The following NUP62 variants were observed in gnomAD, a reference collection of about 807,000 sequenced individuals.
NUP62 encodes nuclear pore glycoprotein p62.
For missense variants in NUP62, 647 were observed against 689.4 expected, an observed-to-expected ratio of 0.94 and a Z score of 0.69; for synonymous variants, 305 against 303.4, an observed-to-expected ratio of 1.01 and a Z score of -0.05.
rs750595555 is a variant in NUP62, at chr19:49,908,843, G to C, written c.965C>G (p.Ala322Gly). 2 of 1,612,522 alleles carry C rather than the reference G, an allele frequency of 1.2e-6. No homozygotes were observed. The highest frequency in any genetic ancestry group is 2.2e-5 in the South Asian group (2 of 91,082). Residue 322 changes from alanine (A) to glycine (G), a missense_variant, in exon 3 of 3, where the codon GCG (alanine) becomes GGG (glycine). Ala to Gly is a moderately conservative substitution (Grantham distance 60). Coordinates refer to ENST00000352066, the MANE Select transcript of NUP62 (RefSeq NM_016553.5). ...APPGPGAAAG[A>G]AASSAMTYAQ... ...GTAGGTCATGGCGGAGCTGGCAGCC[G>C]CCCCTGCAGCTGCGCCAGGGCCAGG...
In NUP62 at chr19:49,909,671, G is replaced by A. The variant is rs769174895; in HGVS notation, c.137C>T (p.Ala46Val). Residue 46 changes from alanine to valine, a missense_variant, in exon 3 of 3, where the codon GCT (alanine) becomes GTT (valine). Physicochemically the swap from Ala to Val is moderately conservative, Grantham distance 64. Transcript: ENST00000352066. ...GGTACTTGTGGCTGGTTGGAAGGGA[G>A]CCCCAAAATTAAACCCTCCAGTGCC... ...TSGTGGFNFG[A>V]PFQPATSTPS... 1 of 1,614,192 alleles carries A rather than the reference G, an allele frequency of 6.2e-7. No homozygotes were observed. Among genetic ancestry groups the A allele is most frequent in the South Asian group, 1.1e-5 (1 of 91,084 alleles).
intron 1 of NUP62, 22 bp from the exon 2 acceptor site, chr19:49,927,837 C>T (rs2075940590): frequency 6.6e-6 from 1 of 152,290 alleles, no homozygotes; most frequent in Non-Finnish European, 1.5e-5. Context: ...AAAAGACGGA[C>T]ATCCACCTCG....
intron 2 of NUP62, among the ~76,000 whole-genome samples, chr19:49,916,545 G>A (rs2075628403): frequency 1.3e-5 from 2 of 151,928 alleles, no homozygotes; most frequent in Admixed American, 6.6e-5. Context: ...AGGCCGAGGC[G>A]GGCGGATCAC....
intron 2 of NUP62, among the ~76,000 whole-genome samples, chr19:49,917,309 T>C (rs1299247891): frequency 1.3e-5 from 2 of 152,196 alleles, no homozygotes; most frequent in African/African-American, 4.8e-5. Flanking sequence ...TCTCCATGAG[T>C]GCTAGTGCTG....
chr19:49,921,960 C>T lies in NUP62; in HGVS notation c.-78+5734G>A, dbSNP rs574031299. On this transcript the variant is annotated intron_variant, in intron 2 of 2. Transcript: ENST00000352066. This position sits in a 1 kb window ranked among gnomAD's most constrained non-coding sequence, Gnocchi z 5.4. ...TGCATTTGCTGCGAGAAAGCAGCCC[C>T]GACGGCAGGGCCCTAGGGCCCCAGG... 1.2e-4 allele frequency among the ~76,000 whole-genome samples: 19 copies of T among 152,310 alleles called. No individual in the cohort carries two copies. The highest frequency in any genetic ancestry group is 1.9e-4 in the Non-Finnish European group (13 of 68,024).
At chr19:49,918,096 C>T (rs1365516509) in intron 2 of NUP62, among the ~76,000 whole-genome samples, 3 of 149,848 alleles carry the variant, frequency 2.0e-5, no homozygotes, top group South Asian at 2.1e-4. Context: ...TTTTTTGAGA[C>T]AGAGTCTCAC....
chr19:49,918,895 T>TGGGGG (rs56129490), intron 2 of NUP62, among the ~76,000 whole-genome samples: 21 of 72,328 alleles, frequency 2.9e-4, no homozygotes, highest in African/African-American at 5.3e-4. Flanking sequence ...TTTGGGAGGC[T>TGGGGG]GGGGGGGGGG....
At chr19:49,915,855 G>A (rs1219409467) in intron 2 of NUP62, among the ~76,000 whole-genome samples, 3 of 152,218 alleles carry the variant, frequency 2.0e-5, no homozygotes, top group Non-Finnish European at 4.4e-5. Context: ...ACCCAGCCAC[G>A]ATAGGCCATC....
chr19:49,914,743 T>G (rs1396597437), intron 2 of NUP62, among the ~76,000 whole-genome samples: 32 of 129,408 alleles, frequency 2.5e-4, no homozygotes, highest in Non-Finnish European at 4.0e-4. Flanking sequence ...TTTTTTTTTT[T>G]TTTTTTTTTT....
intron 2 of NUP62, among the ~76,000 whole-genome samples, chr19:49,918,022 AAAACAAAC>A (rs150266099): frequency 6.6e-6 from 1 of 151,956 alleles, no homozygotes; most frequent in African/African-American, 2.4e-5. Flanking sequence ...ACAGACACAC[AAAACAAAC>A]AAACAAACAA....
In NUP62 at chr19:49,908,864, C is replaced by T. The variant is rs2075383795; in HGVS notation, c.944G>A (p.Gly315Asp). 3 of 1,611,560 alleles carry T rather than the reference C, an allele frequency of 1.9e-6. No individual in the cohort carries two copies. Among genetic ancestry groups the T allele is most frequent in the Non-Finnish European group, 2.5e-6 (3 of 1,179,866 alleles). ...NTAAAVTAPP[G>D]PGAAAGAAAS... is the part of the protein sequence containing the mutation. Reference sequence around the variant, plus strand: ...AGCCGCCCCTGCAGCTGCGCCAGGGCCAGGTGGAGCGGTCACGGCAGCTGC... The same window carrying T: ...AGCCGCCCCTGCAGCTGCGCCAGGGTCAGGTGGAGCGGTCACGGCAGCTGC... The change falls in exon 3 of 3, where the codon GGC (glycine) becomes GAC (aspartate). Residue 315 changes from glycine to aspartate, a missense_variant. Transcript: ENST00000352066.
intron 1 of NUP62, 73 bp from the exon 2 acceptor site, chr19:49,927,888 G>T (rs115792995): frequency 6.0e-4 from 92 of 152,390 alleles, no homozygotes; most frequent in African/African-American, 2.2e-3. Flanking sequence ...GGGGCAAGAT[G>T]GCTACCCTGT....
intron 2 of NUP62, among the ~76,000 whole-genome samples, chr19:49,913,536 C>T (rs1228862384): frequency 1.3e-5 from 2 of 152,230 alleles, no homozygotes. Context: ...ACCCGGGCCG[C>T]CACTGCTCCG....
chr19:49,926,973 C>T (rs2075909514), intron 2 of NUP62, among the ~76,000 whole-genome samples: 1 of 151,880 alleles, frequency 6.6e-6, no homozygotes, highest in African/African-American at 2.4e-5. Context: ...GATCCTCCTG[C>T]CTTAGCCTCA....
In NUP62 at chr19:49,914,098, C is replaced by T. The variant is rs114485633; in HGVS notation, c.-77-4214G>A. Among the ~76,000 whole-genome samples, 485 of 152,238 alleles carry T rather than the reference C, an allele frequency of 3.2e-3. 1 individual carries two copies. Among genetic ancestry groups the T allele is most frequent in the African/African-American group, 0.011 (444 of 41,532 alleles). On this transcript the variant is annotated intron_variant, in intron 2 of 2. Coordinates refer to ENST00000352066, the MANE Select transcript of NUP62 (RefSeq NM_016553.5). ...GCATGATGGCTCACACCTGTAATCC[C>T]AGTACTTTCGGAGGCCAAGGCAGGA...
At position 49,907,064 on chromosome 19, in the gene NUP62, C is replaced by T. The variant is rs897121324; in HGVS notation, c.*1175G>A. On this transcript the variant is annotated 3_prime_UTR_variant, in exon 3 of 3. Coordinates refer to ENST00000352066, the MANE Select transcript of NUP62 (RefSeq NM_016553.5). ...GCTATTTCTGTGGACTGACGTTACA[C>T]TGGGCTTCATTGTTCTTTCATTTAA... The T allele has an allele frequency of 3.8e-5, 6 of 156,024 alleles. No homozygotes were observed. The highest frequency in any genetic ancestry group is 1.4e-4 in the African/African-American group (6 of 41,454). The allele number at this position is 156,024 out of a possible 1,614,324, so 9.7% of individuals were successfully genotyped here.
chr19:49,914,726 GTTTTTTTTTTTTTT>G lies in NUP62; in HGVS notation c.-77-4856_-77-4843del, dbSNP rs530372497. Reference sequence around the variant, plus strand: ...GATTCTTGTGCCACTCCAAGTCCCAGTTTTTTTTTTTTTTTTTTTTTTTTTTTTTTTGAGATGGA... The same window carrying G: ...GATTCTTGTGCCACTCCAAGTCCCAGTTTTTTTTTTTTTTTTTGAGATGGA... On this transcript the variant is annotated intron_variant, in intron 2 of 2. Coordinates refer to ENST00000352066, the MANE Select transcript of NUP62 (RefSeq NM_016553.5). 1.5e-3 allele frequency among the ~76,000 whole-genome samples: 87 copies of G among 56,406 alleles called. 2 individuals are homozygous for G. Among genetic ancestry groups the G allele is most frequent in the East Asian group, 0.011 (13 of 1,230 alleles). 37.0% of individuals were successfully genotyped at this position (56,406 alleles called of 152,430 possible).
intron 2 of NUP62, chr19:49,912,967 G>GTAA (rs375959439): frequency 2.8e-4 from 43 of 152,394 alleles, no homozygotes; most frequent in African/African-American, 9.9e-4. Flanking sequence ...CAGAGTGGCT[G>GTAA]GTTAAGCCAC....
chr19:49,913,416 TGTGACCTAGA>T (rs2075532042), intron 2 of NUP62, among the ~76,000 whole-genome samples: 1 of 152,222 alleles, frequency 6.6e-6, no homozygotes. Flanking sequence ...ATGTTGACGC[TGTGACCTAGA>T]GTGGGGGCTT....
Sources: gnomAD v4.1 joint callset for allele counts (sites outside exome capture counted in the v4.1 genomes callset) on GRCh38, gnomAD v4.1.1 for gene constraint, Gnocchi (gnomAD v3.1) non-coding constraint, MANE v1.5 for transcripts, NCBI Gene and HGNC (gene_info 2026-07-23, HGNC 2026-07-21) for gene names.